Variants in DLGAP1 observed in about 807,000 individuals in gnomAD.
The protein encoded by DLGAP1 is DLG associated protein 1, also known as disks large-associated protein 1.
A neutral mutation model predicts 90.8 loss-of-function variants in DLGAP1; 11 were observed. The ratio of observed to expected loss-of-function variants is 0.12; its 90% CI spans 0.08 to 0.20. The LOEUF is 0.20. Among genes scored for constraint, DLGAP1 ranks in the 10% least tolerant of loss-of-function variants. The probability of loss-of-function intolerance (pLI) is 1.00; values close to 1 mark genes in which losing one functional copy is unlikely to be tolerated. For synonymous variants in DLGAP1, 558 were observed against 540.7 expected (o/e 1.03, Z -0.44); for missense variants, 1,050 against 1,333.8 (o/e 0.79, Z 3.31).
At chr18:3,533,113 G>A (rs923666214) in intron 10 of DLGAP1, among the ~76,000 whole-genome samples, 6 of 152,096 alleles carry the variant, frequency 3.9e-5, no homozygotes, top group Non-Finnish European at 7.4e-5. Context: ...GCAACATGGC[G>A]AAACCCCGTC....
chr18:3,805,056 T>A (rs894771063), intron 5 of DLGAP1, among the ~76,000 whole-genome samples: 1 of 152,232 alleles, frequency 6.6e-6, no homozygotes, highest in African/African-American at 2.4e-5. Context: ...GAATCCTGAC[T>A]ACTATAATAT....
chr18:4,103,714 C>T (rs536425460), intron 2 of DLGAP1, among the ~76,000 whole-genome samples: 1 of 152,086 alleles, frequency 6.6e-6, no homozygotes, highest in Non-Finnish European at 1.5e-5. Context: ...GATTATGATG[C>T]TTGCTATTCA....
At chr18:4,255,510 A>T (rs59805893) in intron 1 of DLGAP1, among the ~76,000 whole-genome samples, 14,431 of 149,342 alleles carry the variant, frequency 0.097, 1,129 homozygotes, top group African/African-American at 0.22. Flanking sequence ...TGAAAAAAAA[A>T]ATATATATAT....
intron 2 of DLGAP1, among the ~76,000 whole-genome samples, chr18:4,102,784 G>A (rs563618376): frequency 3.3e-5 from 5 of 152,206 alleles, no homozygotes; most frequent in South Asian, 4.2e-4. Context: ...ACACATACTT[G>A]AATGTATTTT....
chr18:4,374,816 C>A (rs1233943606), intron 1 of DLGAP1, among the ~76,000 whole-genome samples: 1 of 151,774 alleles, frequency 6.6e-6, no homozygotes, highest in African/African-American at 2.4e-5. Flanking sequence ...TCAACATTGA[C>A]CATATTAGGG....
intron 1 of DLGAP1, among the ~76,000 whole-genome samples, chr18:4,298,420 A>G (rs1390090626): frequency 6.6e-6 from 1 of 152,198 alleles, no homozygotes; most frequent in Non-Finnish European, 1.5e-5. Context: ...AGAAGCATAT[A>G]CACCATGGAA....
intron 7 of DLGAP1, among the ~76,000 whole-genome samples, chr18:3,673,542 G>A (rs1223084577): frequency 6.6e-6 from 1 of 152,132 alleles, no homozygotes; most frequent in African/African-American, 2.4e-5. Flanking sequence ...TGAATGAGAG[G>A]AGGATGATTG....
intron 1 of DLGAP1, among the ~76,000 whole-genome samples, chr18:4,303,321 G>C (rs894872036): frequency 2.5e-4 from 38 of 151,470 alleles, no homozygotes; most frequent in Non-Finnish European, 4.0e-4. Flanking sequence ...TGTGGAGAAA[G>C]AAAAAAAATG....
intron 4 of DLGAP1, among the ~76,000 whole-genome samples, chr18:3,859,172 T>C (rs534473133): frequency 1.3e-5 from 2 of 152,330 alleles, no homozygotes; most frequent in South Asian, 2.1e-4. Context: ...CTAACTATTT[T>C]AGAAGAGTAT....
chr18:4,297,719 A>G lies in DLGAP1; in HGVS notation c.-266-146432T>C, dbSNP rs78666814. Among the ~76,000 whole-genome samples, 156 of 152,248 alleles carry G rather than the reference A, an allele frequency of 1.0e-3. 1 individual carries two copies. Among genetic ancestry groups the G allele is most frequent in the African/African-American group, 3.4e-3 (143 of 41,550 alleles). ...TATTCTCCGGATGAGATTGGCTTACATTCTGGTATAACAGATAATTAATTT... is the reference window on the plus strand; with the variant it reads ...TATTCTCCGGATGAGATTGGCTTACGTTCTGGTATAACAGATAATTAATTT... On this transcript the variant is annotated intron_variant, in intron 1 of 12. Coordinates refer to ENST00000315677, the MANE Select transcript of DLGAP1 (RefSeq NM_004746.4).
intron 1 of DLGAP1, among the ~76,000 whole-genome samples, chr18:4,421,917 T>C (rs1254181759): frequency 1.3e-5 from 2 of 152,230 alleles, no homozygotes; most frequent in East Asian, 1.9e-4. Flanking sequence ...TTTCACCACG[T>C]TGGCCAGGCT....
At chr18:4,439,745 G>A (rs2083485054) in intron 1 of DLGAP1, among the ~76,000 whole-genome samples, 1 of 151,922 alleles carries the variant, frequency 6.6e-6, no homozygotes, top group Admixed American at 6.6e-5. Context: ...AAGGGTTCAA[G>A]GTTATGGTAA....
intron 2 of DLGAP1, among the ~76,000 whole-genome samples, chr18:4,008,202 T>C (rs1297362729): frequency 6.7e-6 from 1 of 149,464 alleles, no homozygotes; most frequent in African/African-American, 2.5e-5. Context: ...AAACCCTATA[T>C]GTAAATAAAT....
intron 1 of DLGAP1, among the ~76,000 whole-genome samples, chr18:4,332,055 T>G (rs1252434539): frequency 6.6e-6 from 1 of 151,854 alleles, no homozygotes; most frequent in African/African-American, 2.4e-5. Context: ...ATAAAGAAAG[T>G]GAGCCCAGCT....
chr18:4,256,701 C>T lies in DLGAP1; in HGVS notation c.-266-105414G>A, dbSNP rs2078894352. On this transcript the variant is annotated intron_variant, in intron 1 of 12. Transcript: ENST00000315677. ...AAATATTTCAGATTATACTAATATG[C>T]TAGCTTTTACTCTCTCCTGAGAGAA... 2.0e-5 allele frequency among the ~76,000 whole-genome samples: 3 copies of T among 151,900 alleles called. No individual in the cohort carries two copies. In the South Asian group the frequency reaches 6.2e-4, roughly 32 times the overall value.
At chr18:3,869,649 T>C (rs2070623264) in intron 4 of DLGAP1, among the ~76,000 whole-genome samples, 1 of 152,248 alleles carries the variant, frequency 6.6e-6, no homozygotes, top group African/African-American at 2.4e-5. Context: ...AGTGAAATTT[T>C]ACACCCACAC....
chr18:3,838,722 T>A (rs886166973), intron 4 of DLGAP1, among the ~76,000 whole-genome samples: 15 of 152,364 alleles, frequency 9.8e-5, no homozygotes, highest in African/African-American at 2.6e-4. Context: ...AAAAAGATAA[T>A]TGTTGCATCC....
chr18:3,747,254 G>A (rs1157253095), intron 5 of DLGAP1, among the ~76,000 whole-genome samples: 2 of 152,116 alleles, frequency 1.3e-5, no homozygotes, highest in Non-Finnish European at 2.9e-5. Flanking sequence ...TTCAAGTAGT[G>A]GTCAAACATG....
chr18:4,323,331 A>C (rs973572521), intron 1 of DLGAP1, among the ~76,000 whole-genome samples: 1 of 152,228 alleles, frequency 6.6e-6, no homozygotes, highest in African/African-American at 2.4e-5. Context: ...CTTGTACACC[A>C]TTAGAATAAA....
Sources: gnomAD v4.1 joint callset for allele counts (sites outside exome capture counted in the v4.1 genomes callset) on GRCh38, gnomAD v4.1.1 for gene constraint, MANE v1.5 for transcripts, NCBI Gene and HGNC (gene_info 2026-07-23, HGNC 2026-07-21) for gene names.